Variants in RALGPS1 observed in about 807,000 individuals in gnomAD.
RALGPS1 encodes ras-specific guanine nucleotide-releasing factor RalGPS1.
In RALGPS1, 19 loss-of-function variants were observed where a neutral mutation model predicts 78.8. The ratio of observed to expected loss-of-function variants is 0.24; its 90% confidence interval spans 0.17 to 0.35. The LOEUF (loss-of-function observed/expected upper bound fraction) is 0.35, where lower values mean the gene tolerates loss of function less well. Among genes scored for constraint, RALGPS1 ranks in the 10% least tolerant of loss-of-function variants. The pLI, the probability that RALGPS1 is intolerant of heterozygous loss-of-function variation, is 1.00. For missense variants in RALGPS1, 454 were observed against 688.3 expected (o/e 0.66, Z 3.81); for synonymous variants, 228 against 256.3 (o/e 0.89, Z 1.06).
intron 14 of RALGPS1, among the ~76,000 whole-genome samples, chr9:127,209,254 C>T (rs528837433): frequency 8.5e-5 from 13 of 152,380 alleles, no homozygotes; most frequent in Middle Eastern, 3.4e-3. Context: ...AGCAGTGCTG[C>T]TTCTGCATGG....
intron 8 of RALGPS1, among the ~76,000 whole-genome samples, chr9:127,084,745 CTAA>C (rs1384058778): frequency 2.0e-5 from 3 of 152,264 alleles, no homozygotes; most frequent in Non-Finnish European, 4.4e-5. Context: ...AAGCCATCAA[CTAA>C]TGCTGGAGAG....
rs1378540446 is a variant in RALGPS1 at position 127,221,514 on chromosome 9, C to T, written c.*2745C>T. The T allele has an allele frequency of 6.6e-6, 1 of 152,114 alleles. No individual in the cohort carries two copies. Among genetic ancestry groups the T allele is most frequent in the African/African-American group, 2.4e-5 (1 of 41,422 alleles). The allele number at this position is 152,114 out of a possible 1,614,324, so 9.4% of individuals were successfully genotyped here. A position where few individuals can be genotyped will look rare whatever the true frequency, so the allele number is the denominator to read the frequency against. ...CTAATTTTTGTCTCTCTCAGTTGAA[C>T]ATGTTTTGTCATTCAAGATCAGTCA... On this transcript the variant is annotated 3_prime_UTR_variant, in exon 19 of 19. Coordinates refer to ENST00000259351, the MANE Select transcript of RALGPS1 (RefSeq NM_014636.3).
chr9:126,971,822 T>C (rs896990846), intron 3 of RALGPS1, among the ~76,000 whole-genome samples: 1 of 152,196 alleles, frequency 6.6e-6, no homozygotes, highest in South Asian at 2.1e-4. Flanking sequence ...ATGGTAGATA[T>C]AGTATGACTA....
At chr9:127,045,179 TTAATATA>T (rs571770050) in intron 5 of RALGPS1, among the ~76,000 whole-genome samples, 1 of 152,204 alleles carries the variant, frequency 6.6e-6, no homozygotes, top group Admixed American at 6.5e-5. Flanking sequence ...AGAGGAAACC[TTAATATA>T]TGCAAATTTT....
chr9:126,940,540 C>T (rs532730465), intron 1 of RALGPS1, among the ~76,000 whole-genome samples: 153 of 151,124 alleles, frequency 1.0e-3, no homozygotes, highest in Admixed American at 1.8e-3. Context: ...CCCGGGTTCA[C>T]GCCATTCTCC....
At chr9:127,206,061 G>A (rs1489706261) in intron 14 of RALGPS1, among the ~76,000 whole-genome samples, 1 of 152,234 alleles carries the variant, frequency 6.6e-6, no homozygotes, top group African/African-American at 2.4e-5. Flanking sequence ...CAGAATTCAG[G>A]GTAGCAGCTT....
At chr9:127,143,396 T>C (rs576832775) in intron 8 of RALGPS1, among the ~76,000 whole-genome samples, 3 of 152,322 alleles carry the variant, frequency 2.0e-5, no homozygotes, top group African/African-American at 7.2e-5. Flanking sequence ...GATAACTGGA[T>C]TTTAGATGGA....
At chr9:126,968,511 G>A (rs2039763756) in intron 3 of RALGPS1, among the ~76,000 whole-genome samples, 1 of 152,130 alleles carries the variant, frequency 6.6e-6, no homozygotes, top group African/African-American at 2.4e-5. Context: ...CACTGATTAT[G>A]TCTAGGTCTT....
intron 8 of RALGPS1, among the ~76,000 whole-genome samples, chr9:127,140,925 A>C (rs1010754680): frequency 3.3e-5 from 5 of 152,204 alleles, no homozygotes; most frequent in Admixed American, 3.3e-4. Context: ...ATAAGGGGGC[A>C]GGGGCAGGCA....
intron 14 of RALGPS1, among the ~76,000 whole-genome samples, chr9:127,204,043 C>A (rs913270665): frequency 1.3e-5 from 2 of 152,236 alleles, no homozygotes; most frequent in Non-Finnish European, 2.9e-5. Context: ...GACCACTGAT[C>A]CTCCCAGGTC....
intron 12 of RALGPS1, 100 bp downstream of exon 12, chr9:127,195,317 G>T (rs2061297489): frequency 6.8e-7 from 1 of 1,466,106 alleles, no homozygotes; most frequent in Admixed American, 2.0e-5. Flanking sequence ...TCCCTCCCCT[G>T]CCCTGTTCTG....
intron 5 of RALGPS1, among the ~76,000 whole-genome samples, chr9:127,042,946 A>G (rs1232138981): frequency 6.6e-6 from 1 of 152,232 alleles, no homozygotes; most frequent in Non-Finnish European, 1.5e-5. Context: ...CATAAAACTT[A>G]GATATACCTC....
At chr9:126,972,118 A>G (rs912301692) in intron 3 of RALGPS1, among the ~76,000 whole-genome samples, 2 of 152,202 alleles carry the variant, frequency 1.3e-5, no homozygotes, top group Non-Finnish European at 2.9e-5. Context: ...ACATCTTCCC[A>G]GTACCCAGTG....
At chr9:127,217,434 G>A (rs1239473999) in intron 18 of RALGPS1, 1 of 988,086 alleles carries the variant, frequency 1.0e-6, no homozygotes, top group Non-Finnish European at 1.2e-6. Flanking sequence ...TGACAGAAAT[G>A]CATCTATTCA....
At chr9:127,005,980 T>G (rs1564404059) in intron 4 of RALGPS1, among the ~76,000 whole-genome samples, 8 of 152,184 alleles carry the variant, frequency 5.3e-5, no homozygotes, top group Non-Finnish European at 1.5e-5. Context: ...GACCAATAGA[T>G]GTGAATACAG....
chr9:127,191,376 C>G (rs541183692), intron 11 of RALGPS1, among the ~76,000 whole-genome samples: 1 of 152,244 alleles, frequency 6.6e-6, no homozygotes, highest in Non-Finnish European at 1.5e-5. Flanking sequence ...AATCCACTTG[C>G]TTAACATAAG....
At chr9:127,109,507 A>G (rs1306369267) in intron 8 of RALGPS1, among the ~76,000 whole-genome samples, 1 of 152,240 alleles carries the variant, frequency 6.6e-6, no homozygotes, top group African/African-American at 2.4e-5. Context: ...GGAACAAACA[A>G]CTGAGCTCTT....
At chr9:126,920,829 G>A (rs1040537225) in intron 1 of RALGPS1, among the ~76,000 whole-genome samples, 2 of 152,322 alleles carry the variant, frequency 1.3e-5, no homozygotes, top group African/African-American at 4.8e-5. Flanking sequence ...GACTGAAGGC[G>A]ATTGGCCATA....
intron 14 of RALGPS1, among the ~76,000 whole-genome samples, chr9:127,210,306 C>T (rs2062171371): frequency 6.6e-6 from 1 of 152,232 alleles, no homozygotes; most frequent in Admixed American, 6.5e-5. Flanking sequence ...GCCCACAATT[C>T]TGTGTGCACT....
Sources: gnomAD v4.1 joint callset for allele counts (sites outside exome capture counted in the v4.1 genomes callset) on GRCh38, gnomAD v4.1.1 for gene constraint, MANE v1.5 for transcripts, NCBI Gene and HGNC (gene_info 2026-07-23, HGNC 2026-07-21) for gene names.